GALNT13: variants seen among roughly 807,000 people sequenced by gnomAD.
The protein encoded by GALNT13 is UDP-GalNAc:polypeptide N-acetylgalactosaminyltransferase 13.
A neutral mutation model predicts 64.2 loss-of-function variants in GALNT13; 28 were observed. The ratio of observed to expected loss-of-function variants is 0.44; its 90% confidence interval spans 0.32 to 0.60. The LOEUF is 0.60. Ranked by LOEUF, GALNT13 falls within the 20% of genes least tolerant of loss-of-function variation. The pLI is 0.05. For missense variants in GALNT13, 577 were observed against 669.8 expected, an observed-to-expected ratio of 0.86 and a Z score of 1.53; for synonymous variants, 214 against 224.6, an observed-to-expected ratio of 0.95 and a Z score of 0.42.
At chr2:153,315,844 T>C in the GALNT13 span, among the ~76,000 whole-genome samples, 1 of 152,188 alleles carries the variant, frequency 6.6e-6, no homozygotes, top group African/African-American at 2.4e-5. Context: ...AAACTTCTTA[T>C]TCATATTAAA....
At chr2:153,449,154 A>G in the GALNT13 span, among the ~76,000 whole-genome samples, 3 of 152,300 alleles carry the variant, frequency 2.0e-5, no homozygotes, top group East Asian at 5.8e-4. Context: ...CCTCACCAAA[A>G]ACTGAATTGG....
chr2:153,284,904 A>G, the GALNT13 span, among the ~76,000 whole-genome samples: 1 of 151,744 alleles, frequency 6.6e-6, no homozygotes, highest in African/African-American at 2.4e-5. Context: ...AATAATAAAC[A>G]CACACTTTTT....
chr2:153,727,965 G>T, the GALNT13 span, among the ~76,000 whole-genome samples: 2 of 152,084 alleles, frequency 1.3e-5, no homozygotes, highest in Non-Finnish European at 1.5e-5. Flanking sequence ...GCATTGTTCA[G>T]CTCCCACTTA....
the GALNT13 span, among the ~76,000 whole-genome samples, chr2:153,597,465 A>G: frequency 3.9e-5 from 6 of 152,142 alleles, no homozygotes; most frequent in Non-Finnish European, 8.8e-5. Flanking sequence ...CTTGCCTTAC[A>G]TCTTTAAAAA....
chr2:154,237,246 A>G (rs1191695916), intron 4 of GALNT13, among the ~76,000 whole-genome samples: 2 of 151,846 alleles, frequency 1.3e-5, no homozygotes, highest in Non-Finnish European at 2.9e-5. Flanking sequence ...TCTACCATAC[A>G]TTTCAGATGA....
chr2:154,164,830 C>G (rs1471350305), intron 4 of GALNT13, among the ~76,000 whole-genome samples: 3 of 151,964 alleles, frequency 2.0e-5, no homozygotes, highest in Admixed American at 6.6e-5. Flanking sequence ...AAAAATCGAC[C>G]AGGTTTATAA....
the GALNT13 span, among the ~76,000 whole-genome samples, chr2:153,391,558 T>A: frequency 6.6e-6 from 1 of 152,144 alleles, no homozygotes; most frequent in African/African-American, 2.4e-5. Context: ...TTCTCTAATT[T>A]ATCATTTTGG....
the GALNT13 span, among the ~76,000 whole-genome samples, chr2:153,119,990 C>T: frequency 6.6e-6 from 1 of 152,256 alleles, no homozygotes; most frequent in South Asian, 2.1e-4. Flanking sequence ...GAATGCTTCT[C>T]TCAGGATTTC....
chr2:153,310,312 T>C, the GALNT13 span, among the ~76,000 whole-genome samples: 10 of 152,318 alleles, frequency 6.6e-5, no homozygotes, highest in East Asian at 1.9e-3. Flanking sequence ...GAACCAACCA[T>C]GCATATAAGC....
chr2:153,520,347 C>A, the GALNT13 span, among the ~76,000 whole-genome samples: 1 of 152,038 alleles, frequency 6.6e-6, no homozygotes, highest in East Asian at 1.9e-4. Flanking sequence ...TTTGTGATCT[C>A]AGGGCATCAT....
At chr2:153,683,103 G>C in the GALNT13 span, among the ~76,000 whole-genome samples, 1 of 151,692 alleles carries the variant, frequency 6.6e-6, no homozygotes, top group African/African-American at 2.4e-5. Context: ...TCCTTAAAAG[G>C]ATTGTATGCA....
At chr2:153,574,572 T>G in the GALNT13 span, among the ~76,000 whole-genome samples, 1 of 152,168 alleles carries the variant, frequency 6.6e-6, no homozygotes, top group Non-Finnish European at 1.5e-5. Context: ...TATGTGTATT[T>G]GAAAATAGCC....
chr2:153,509,697 G>A, the GALNT13 span, among the ~76,000 whole-genome samples: 1 of 152,172 alleles, frequency 6.6e-6, no homozygotes, highest in Non-Finnish European at 1.5e-5. Flanking sequence ...TGAGCCAGGC[G>A]TAGTGAATAA....
At chr2:153,255,827 G>A in the GALNT13 span, among the ~76,000 whole-genome samples, 1 of 152,222 alleles carries the variant, frequency 6.6e-6, no homozygotes, top group Non-Finnish European at 1.5e-5. Context: ...AGTTTCTGCT[G>A]AGAGATCAGC....
the GALNT13 span, among the ~76,000 whole-genome samples, chr2:153,694,771 T>C: frequency 6.6e-6 from 1 of 152,170 alleles, no homozygotes. Flanking sequence ...TGAGAGAATT[T>C]TTACAAATCT....
the GALNT13 span, among the ~76,000 whole-genome samples, chr2:153,469,438 C>A: frequency 6.6e-6 from 1 of 152,000 alleles, no homozygotes; most frequent in South Asian, 2.1e-4. Context: ...AGTCTCAGAG[C>A]GGGAGATGAT....
At chr2:153,677,284 TACACACACACACACACAC>T in the GALNT13 span, among the ~76,000 whole-genome samples, 2 of 144,766 alleles carry the variant, frequency 1.4e-5, no homozygotes, top group Admixed American at 6.9e-5. Flanking sequence ...ACAATAGACA[TACACACACACACACACAC>T]ACACACACAC....
At chr2:153,895,335 T>A (rs1687816824) in intron 1 of GALNT13, among the ~76,000 whole-genome samples, 1 of 152,140 alleles carries the variant, frequency 6.6e-6, no homozygotes, top group South Asian at 2.1e-4. Context: ...GTTCTGAGTT[T>A]CAAGATTGTA....
the GALNT13 span, among the ~76,000 whole-genome samples, chr2:153,645,164 G>T: frequency 6.6e-6 from 1 of 152,118 alleles, no homozygotes; most frequent in Non-Finnish European, 1.5e-5. Context: ...ATAAGAATAT[G>T]AAGAAAAATA....
Sources: gnomAD v4.1 joint callset for allele counts (sites outside exome capture counted in the v4.1 genomes callset) on GRCh38, gnomAD v4.1.1 for gene constraint, MANE v1.5 for transcripts, NCBI Gene and HGNC (gene_info 2026-07-23, HGNC 2026-07-21) for gene names.